Variants in EPC2 observed in about 807,000 individuals in gnomAD.
EPC2 encodes the protein enhancer of polycomb 2, also known as enhancer of polycomb homolog 2.
Under a neutral mutation model 92.1 loss-of-function variants are expected in EPC2, and 14 were observed. The ratio of observed to expected loss-of-function variants is 0.15; its 90% CI spans 0.10 to 0.24. The LOEUF (loss-of-function observed/expected upper bound fraction) is 0.24, where lower values mean the gene tolerates loss of function less well. Ranked by LOEUF, EPC2 falls within the 10% of genes least tolerant of loss-of-function variation. The pLI, the probability that EPC2 is intolerant of heterozygous loss-of-function variation, is 1.00. For synonymous variants in EPC2, 340 were observed against 334.7 expected (o/e 1.02, Z -0.17); for missense variants, 755 against 971.5 (o/e 0.78, Z 2.96).
At chr2:148,709,334 G>A (rs1682080405) in intron 2 of EPC2, among the ~76,000 whole-genome samples, 3 of 152,144 alleles carry the variant, frequency 2.0e-5, no homozygotes, top group South Asian at 2.1e-4. Context: ...ACTGCTCAAC[G>A]AAATAAAAGA....
chr2:148,768,641 A>T lies in EPC2; in HGVS notation c.1141-510A>T, dbSNP rs941255494. Among the ~76,000 whole-genome samples the T allele has an allele frequency of 2.0e-5, 3 of 152,078 alleles. No homozygotes were observed. In the East Asian group the frequency reaches 5.8e-4, roughly 29 times the overall value. ...TGAAAAATGAGTTGGGAGATACAAG[A>T]CTTTCCTTTGAATAAAACCTGGCCT... On this transcript the variant is annotated intron_variant, in intron 7 of 13. Transcript: ENST00000258484.
intron 1 of EPC2, among the ~76,000 whole-genome samples, chr2:148,659,240 G>A (rs948312776): frequency 3.9e-5 from 6 of 152,016 alleles, no homozygotes; most frequent in African/African-American, 1.2e-4. Flanking sequence ...GGTTTGTTTT[G>A]TTTTGTTACC....
chr2:148,696,612 A>ATGATTCTTGGTCT (rs1681750672), intron 2 of EPC2, among the ~76,000 whole-genome samples: 1 of 152,232 alleles, frequency 6.6e-6, no homozygotes, highest in Non-Finnish European at 1.5e-5. Flanking sequence ...TAAAGGGTGC[A>ATGATTCTTGGTCT]TGATTCTTGG....
chr2:148,771,820 A>G (rs1048912715), intron 10 of EPC2, among the ~76,000 whole-genome samples: 18 of 148,794 alleles, frequency 1.2e-4, no homozygotes, highest in African/African-American at 3.9e-4. Flanking sequence ...TTTTTTTTAG[A>G]TGGAGTCTCG....
intron 3 of EPC2, among the ~76,000 whole-genome samples, chr2:148,751,252 T>C (rs1683078901): frequency 6.6e-6 from 1 of 152,148 alleles, no homozygotes; most frequent in African/African-American, 2.4e-5. Flanking sequence ...TTCGTTTATG[T>C]ATTCAAAATA....
At chr2:148,768,796 G>A (rs1438446605) in intron 7 of EPC2, among the ~76,000 whole-genome samples, 1 of 151,954 alleles carries the variant, frequency 6.6e-6, no homozygotes, top group Non-Finnish European at 1.5e-5. Context: ...TAACCTATAG[G>A]TGAAGTAAAT....
At chr2:148,771,671 T>C (rs1683521904) in intron 10 of EPC2, among the ~76,000 whole-genome samples, 1 of 152,198 alleles carries the variant, frequency 6.6e-6, no homozygotes, top group Non-Finnish European at 1.5e-5. Context: ...AGCACAGTAC[T>C]ATCTGCTGCT....
chr2:148,654,036 C>T (rs1247543662), intron 1 of EPC2, among the ~76,000 whole-genome samples: 2 of 151,274 alleles, frequency 1.3e-5, no homozygotes, highest in African/African-American at 2.4e-5. Flanking sequence ...CAACCTCTGC[C>T]TCCCTGGTTC....
intron 1 of EPC2, among the ~76,000 whole-genome samples, chr2:148,666,881 T>G (rs1681066225): frequency 6.6e-6 from 1 of 151,950 alleles, no homozygotes; most frequent in Admixed American, 6.6e-5. Context: ...TTTTTTTTTT[T>G]TTTCCAGGCT....
intron 8 of EPC2, among the ~76,000 whole-genome samples, chr2:148,770,470 C>T (rs1683495002): frequency 6.6e-6 from 1 of 152,164 alleles, no homozygotes; most frequent in South Asian, 2.1e-4. Flanking sequence ...TATGTAATTT[C>T]ACCATCTCTA....
At chr2:148,776,385 T>G (rs1056090028) in intron 10 of EPC2, among the ~76,000 whole-genome samples, 1 of 152,216 alleles carries the variant, frequency 6.6e-6, no homozygotes. Flanking sequence ...ATTTTTAGTC[T>G]TTCTTCATTA....
intron 4 of EPC2, among the ~76,000 whole-genome samples, chr2:148,754,999 G>A (rs1309185185): frequency 2.6e-5 from 4 of 152,168 alleles, no homozygotes; most frequent in African/African-American, 9.7e-5. Flanking sequence ...TGGAGGCAAA[G>A]CATTTTCTGT....
At chr2:148,757,451 A>G (rs893972518) in intron 4 of EPC2, among the ~76,000 whole-genome samples, 3 of 152,236 alleles carry the variant, frequency 2.0e-5, no homozygotes, top group African/African-American at 7.2e-5. Flanking sequence ...CATATATTAC[A>G]TACATATTTC....
In EPC2 at chr2:148,770,891, A is replaced by G. The variant is rs374278636; in HGVS notation, c.1330A>G (p.Arg444Gly). 2.4e-5 allele frequency: 38 copies of G among 1,613,624 alleles called. No individual in the cohort carries two copies. In the African/African-American group the frequency reaches 4.9e-4, roughly 21 times the overall value. Residue 444 changes from arginine (R) to glycine (G), a missense_variant, in exon 9 of 14, where the codon AGA (arginine) becomes GGA (glycine). Physicochemically the swap from Arg to Gly is moderately radical, Grantham distance 125. Around this residue, in one of 4 missense-constraint regions of EPC2, gnomAD observed 509 missense variants for 607.7 expected, o/e 0.84. Transcript: ENST00000258484. ...RHCLTTLTVP[R>G]RCIGFARRRI... Reference sequence around the variant, plus strand: ...TTGCCTTACAACACTTACAGTCCCAAGAAGATGTATAGGATTTGCAAGGAG... The same window carrying G: ...TTGCCTTACAACACTTACAGTCCCAGGAAGATGTATAGGATTTGCAAGGAG...
intron 1 of EPC2, among the ~76,000 whole-genome samples, chr2:148,651,263 C>G (rs16829120): frequency 0.014 from 2,147 of 152,272 alleles, 52 homozygotes; most frequent in African/African-American, 0.049. Flanking sequence ...ATGTTAGATG[C>G]TTTCTGTCAA....
chr2:148,712,426 CACAG>C (rs34578517), intron 2 of EPC2, among the ~76,000 whole-genome samples: 3,992 of 152,264 alleles, frequency 0.026, 67 homozygotes, highest in South Asian at 0.055. Context: ...CAGACACACA[CACAG>C]ACAATGTGCC....
intron 2 of EPC2, among the ~76,000 whole-genome samples, chr2:148,698,113 G>A (rs1317731396): frequency 6.6e-6 from 1 of 152,046 alleles, no homozygotes; most frequent in African/African-American, 2.4e-5. Context: ...GTGATGTAAA[G>A]AATGAGAGAA....
intron 2 of EPC2, among the ~76,000 whole-genome samples, chr2:148,703,442 GT>G (rs10718225): frequency 0.93 from 141,513 of 151,784 alleles, 66,240 homozygotes; most frequent in Middle Eastern, 0.97. Flanking sequence ...CACCTGTTTG[GT>G]TTTTTTTTGT....
intron 4 of EPC2, among the ~76,000 whole-genome samples, chr2:148,757,243 G>A (rs1410604488): frequency 6.6e-6 from 1 of 152,146 alleles, no homozygotes; most frequent in Non-Finnish European, 1.5e-5. Context: ...GGGCGTGGTG[G>A]CAGGTGCCTG....
Sources: allele counts gnomAD v4.1 joint callset (sites outside exome capture counted in the v4.1 genomes callset), GRCh38; gene constraint gnomAD v4.1.1; regional missense constraint gnomAD v4.1.1; transcripts MANE v1.5; gene names NCBI Gene and HGNC (gene_info 2026-07-23, HGNC 2026-07-21).